The following IQCM variants were observed in gnomAD, a reference collection of about 807,000 sequenced individuals.
The protein encoded by IQCM is IQ motif containing M.
In IQCM, 45 loss-of-function variants were observed where a neutral mutation model predicts 57.6. The ratio of observed to expected loss-of-function variants is 0.78; its 90% CI spans 0.62 to 1.00. The LOEUF (loss-of-function observed/expected upper bound fraction) is 1.00, where lower values mean the gene tolerates loss of function less well. IQCM is among the 50% of genes least tolerant of loss of function. The pLI is 0.00. For missense variants in IQCM, 468 were observed against 511.6 expected (o/e 0.91, Z 0.82); for synonymous variants, 148 against 158.9 (o/e 0.93, Z 0.51).
At chr4:149,676,876 C>A (rs1404101097) in intron 7 of IQCM, among the ~76,000 whole-genome samples, 1 of 151,914 alleles carries the variant, frequency 6.6e-6, no homozygotes, top group African/African-American at 2.4e-5. Context: ...GCTAGCATAA[C>A]CCCCTAGAAA....
chr4:149,658,388 C>T (rs931767481), intron 7 of IQCM, among the ~76,000 whole-genome samples: 5 of 151,924 alleles, frequency 3.3e-5, no homozygotes, highest in Non-Finnish European at 7.4e-5. Context: ...CAGTACAATG[C>T]TGTTTTGGTT....
chr4:149,748,392 T>C (rs1768123994), intron 2 of IQCM, among the ~76,000 whole-genome samples: 1 of 152,376 alleles, frequency 6.6e-6, no homozygotes, highest in East Asian at 1.9e-4. Flanking sequence ...TATTTAAATC[T>C]TTAAATCACA....
At chr4:149,755,331 T>C (rs934614225) in intron 2 of IQCM, among the ~76,000 whole-genome samples, 1 of 152,134 alleles carries the variant, frequency 6.6e-6, no homozygotes, top group Non-Finnish European at 1.5e-5. Flanking sequence ...AGTCACCATG[T>C]CCCCACACAC....
At chr4:149,736,898 T>A (rs1408809466) in intron 3 of IQCM, among the ~76,000 whole-genome samples, 2 of 152,224 alleles carry the variant, frequency 1.3e-5, no homozygotes, top group Non-Finnish European at 2.9e-5. Flanking sequence ...ATGTTTACAG[T>A]AGCTTTACTC....
intron 12 of IQCM, among the ~76,000 whole-genome samples, chr4:149,463,618 T>C (rs1738537314): frequency 6.6e-6 from 1 of 152,204 alleles, no homozygotes; most frequent in Non-Finnish European, 1.5e-5. Flanking sequence ...GAAATTGTGA[T>C]GGCTAAATTA....
intron 2 of IQCM, among the ~76,000 whole-genome samples, chr4:149,800,781 A>C (rs1196447830): frequency 6.6e-6 from 1 of 151,866 alleles, no homozygotes; most frequent in Admixed American, 6.6e-5. Context: ...TAATCAAAGA[A>C]GTGAAAGATC....
chr4:149,751,271 C>T (rs1014203495), intron 2 of IQCM, among the ~76,000 whole-genome samples: 25 of 152,160 alleles, frequency 1.6e-4, no homozygotes, highest in African/African-American at 5.1e-4. Flanking sequence ...TTTTACCCTC[C>T]GTGAATCTCC....
intron 9 of IQCM, among the ~76,000 whole-genome samples, chr4:149,572,682 T>C (rs1337610180): frequency 2.0e-5 from 3 of 152,036 alleles, no homozygotes; most frequent in Admixed American, 6.6e-5. Flanking sequence ...GGTTTCATCA[T>C]GTTCTCAAAT....
intron 13 of IQCM, among the ~76,000 whole-genome samples, chr4:149,390,680 ATGTGGTTTTT>A (rs776637719): frequency 1.3e-5 from 2 of 151,932 alleles, no homozygotes; most frequent in Non-Finnish European, 2.9e-5. Flanking sequence ...TGAGATAATC[ATGTGGTTTTT>A]TTCTTTATTA....
intron 13 of IQCM, among the ~76,000 whole-genome samples, chr4:149,354,887 T>C (rs1199145279): frequency 2.0e-5 from 3 of 152,174 alleles, no homozygotes; most frequent in African/African-American, 7.2e-5. Context: ...AACGTGTTAA[T>C]AATAGGAGAA....
intron 7 of IQCM, among the ~76,000 whole-genome samples, chr4:149,648,559 G>T (rs1006795631): frequency 1.3e-5 from 2 of 152,210 alleles, no homozygotes; most frequent in African/African-American, 4.8e-5. Context: ...TGTATACCCA[G>T]TAATGGGATG....
intron 5 of IQCM, among the ~76,000 whole-genome samples, chr4:149,702,157 A>C (rs1342918391): frequency 6.6e-6 from 1 of 151,998 alleles, no homozygotes; most frequent in Non-Finnish European, 1.5e-5. Context: ...TAAAGTCATT[A>C]CAACTGATAA....
intron 7 of IQCM, among the ~76,000 whole-genome samples, chr4:149,653,086 G>C (rs1759335459): frequency 6.6e-6 from 1 of 152,038 alleles, no homozygotes; most frequent in South Asian, 2.1e-4. Context: ...TTTTATCCTA[G>C]CCTAAGTTAT....
At chr4:149,534,547 C>T (rs1237032068) in intron 12 of IQCM, among the ~76,000 whole-genome samples, 1 of 152,024 alleles carries the variant, frequency 6.6e-6, no homozygotes, top group Non-Finnish European at 1.5e-5. Context: ...TTTGGACCCT[C>T]ATCATGCTAA....
intron 2 of IQCM, among the ~76,000 whole-genome samples, chr4:149,791,320 T>TG (rs1159991599): frequency 1.3e-5 from 2 of 152,224 alleles, no homozygotes; most frequent in Admixed American, 6.5e-5. Flanking sequence ...TTGTACACTT[T>TG]GGGGGGGTAC....
intron 10 of IQCM, among the ~76,000 whole-genome samples, chr4:149,562,152 T>G (rs573036095): frequency 6.6e-6 from 1 of 152,188 alleles, no homozygotes; most frequent in Non-Finnish European, 1.5e-5. Context: ...GTAAGCAATA[T>G]AGGTCTTCAA....
intron 8 of IQCM, among the ~76,000 whole-genome samples, chr4:149,612,321 T>C (rs1755369470): frequency 6.6e-6 from 1 of 152,186 alleles, no homozygotes; most frequent in Non-Finnish European, 1.5e-5. Flanking sequence ...CAAAGCACAT[T>C]CACGGCCATC....
chr4:149,751,926 A>T (rs1483174991), intron 2 of IQCM, among the ~76,000 whole-genome samples: 1 of 152,206 alleles, frequency 6.6e-6, no homozygotes, highest in African/African-American at 2.4e-5. Flanking sequence ...AAAGAAGAAA[A>T]GAAGGGAATT....
chr4:149,749,739 G>A (rs1768258370), intron 2 of IQCM, among the ~76,000 whole-genome samples: 1 of 151,996 alleles, frequency 6.6e-6, no homozygotes, highest in South Asian at 2.1e-4. Flanking sequence ...CTTTATTAAT[G>A]TTTCAATATA....
Sources: gnomAD v4.1 joint callset for allele counts (sites outside exome capture counted in the v4.1 genomes callset) on GRCh38, gnomAD v4.1.1 for gene constraint, MANE v1.5 for transcripts, NCBI Gene and HGNC (gene_info 2026-07-23, HGNC 2026-07-21) for gene names.